The following MAOB variants were observed in gnomAD, a reference collection of about 807,000 sequenced individuals.
MAOB encodes monoamine oxidase B, also known as amine oxidase [flavin-containing] B.
Under a neutral mutation model 41.9 loss-of-function variants are expected in MAOB, and 15 were observed. The ratio of observed to expected loss-of-function variants is 0.36; its 90% confidence interval spans 0.24 to 0.55. The LOEUF (loss-of-function observed/expected upper bound fraction) is 0.55. Ranked by LOEUF, MAOB falls within the 20% of genes least tolerant of loss-of-function variation. The pLI is 0.86. For missense variants in MAOB, 345 were observed against 398.7 expected (o/e 0.87, Z 1.15); for synonymous variants, 167 against 144.2 (o/e 1.16, Z -1.13).
At chrX:43,816,065 A>T (rs1395726548) in intron 3 of MAOB, among the ~76,000 whole-genome samples, 1 of 112,175 alleles carries the variant, frequency 8.9e-6, no homozygotes, top group Non-Finnish European at 1.9e-5. Flanking sequence ...TCCTAATAGC[A>T]TGATTGAATT....
chrX:43,824,006 G>A (rs2034914459), intron 3 of MAOB, among the ~76,000 whole-genome samples: 1 of 112,450 alleles, frequency 8.9e-6, no homozygotes, highest in Non-Finnish European at 1.9e-5. Flanking sequence ...GTGGGTTTCA[G>A]CAATGACCGT....
At chrX:43,873,897 G>A (rs1332044531) in intron 1 of MAOB, among the ~76,000 whole-genome samples, 2 of 111,140 alleles carry the variant, frequency 1.8e-5, no homozygotes, top group African/African-American at 3.3e-5. Context: ...GGATGGGCTC[G>A]GTCTCCTGAC....
At chrX:43,822,175 T>C (rs1231798700) in intron 3 of MAOB, among the ~76,000 whole-genome samples, 1 of 112,508 alleles carries the variant, frequency 8.9e-6, no homozygotes, top group Non-Finnish European at 1.9e-5. Context: ...TTTCACTCCA[T>C]AAATTGTTTG....
At chrX:43,880,414 C>T (rs2035465997) in intron 1 of MAOB, among the ~76,000 whole-genome samples, 1 of 112,384 alleles carries the variant, frequency 8.9e-6, no homozygotes, top group Non-Finnish European at 1.9e-5. Context: ...TCTTGAGGGG[C>T]TTGTGCCATA....
intron 12 of MAOB, among the ~76,000 whole-genome samples, chrX:43,773,376 T>C (rs745463837): frequency 4.5e-5 from 5 of 112,179 alleles, no homozygotes; most frequent in East Asian, 5.6e-4. Flanking sequence ...GTCAGTACTT[T>C]AGAGTCAATT....
chrX:43,832,410 C>G (rs1025041547), intron 3 of MAOB, among the ~76,000 whole-genome samples: 1 of 111,564 alleles, frequency 9.0e-6, no homozygotes, highest in Non-Finnish European at 1.9e-5. Flanking sequence ...CAGGTTTGAA[C>G]TGCATAGGTT....
In MAOB at chrX:43,795,862, A is replaced by G. The variant is rs751207839; in HGVS notation, c.645T>C (p.Gly215=). 2 of 1,207,406 alleles carry G rather than the reference A, an allele frequency of 1.7e-6. No individual in the cohort carries two copies. Among genetic ancestry groups the G allele is most frequent in the African/African-American group, 3.5e-5 (2 of 56,907 alleles). Residue 215 remains glycine, a synonymous_variant, in exon 7 of 15, where the codon GGT becomes GGC. Transcript: ENST00000378069. ...GQERKFVGGS[G]QVSERIMDLL... ...GGTCCATTATCCGCTCACTCACTTG[A>G]CCAGATCCGCCCACAAATTTCCTCT...
intron 1 of MAOB, among the ~76,000 whole-genome samples, chrX:43,881,804 C>T (rs916378248): frequency 1.8e-5 from 2 of 112,482 alleles, no homozygotes; most frequent in East Asian, 2.8e-4. Flanking sequence ...ATTGGCCAGG[C>T]TCCAACCTCT....
At chrX:43,810,265 A>G (rs1023292581) in intron 3 of MAOB, among the ~76,000 whole-genome samples, 1 of 97,854 alleles carries the variant, frequency 1.0e-5, no homozygotes, top group South Asian at 4.1e-4. Context: ...AAAAAAAAAA[A>G]AAAGAAAGCT....
At chrX:43,873,562 T>C (rs1481053185) in intron 1 of MAOB, among the ~76,000 whole-genome samples, 8 of 111,741 alleles carry the variant, frequency 7.2e-5, no homozygotes, top group South Asian at 3.8e-4. Flanking sequence ...TGCCATTAAA[T>C]GGAGACTATG....
chrX:43,853,776 G>A (rs893131525), intron 1 of MAOB, among the ~76,000 whole-genome samples: 2 of 111,384 alleles, frequency 1.8e-5, no homozygotes, highest in African/African-American at 6.5e-5. Context: ...AAGATCGCCA[G>A]CAAACCACCA....
At chrX:43,881,560 G>A (rs1449385414) in intron 1 of MAOB, among the ~76,000 whole-genome samples, 2 of 112,082 alleles carry the variant, frequency 1.8e-5, no homozygotes, top group African/African-American at 6.5e-5. Context: ...ACACAGCCCC[G>A]TGTGGCTGAG....
chrX:43,837,641 ATAT>A (rs1379798400), intron 3 of MAOB, among the ~76,000 whole-genome samples: 1 of 112,794 alleles, frequency 8.9e-6, no homozygotes, highest in Non-Finnish European at 1.9e-5. Flanking sequence ...ATTTGTTTCG[ATAT>A]TATCACTCAC....
chrX:43,775,486 C>A (rs918273827), intron 11 of MAOB, among the ~76,000 whole-genome samples: 2 of 111,335 alleles, frequency 1.8e-5, no homozygotes, highest in African/African-American at 6.5e-5. Context: ...ATGTTTTTTT[C>A]ATTTGGTTTC....
At chrX:43,877,646 G>A (rs947712689) in intron 1 of MAOB, among the ~76,000 whole-genome samples, 4 of 111,835 alleles carry the variant, frequency 3.6e-5, no homozygotes, top group African/African-American at 1.3e-4. Context: ...GGAATCAAAT[G>A]GCTGAAATGA....
chrX:43,874,904 C>T (rs1257708219), intron 1 of MAOB, among the ~76,000 whole-genome samples: 1 of 111,781 alleles, frequency 8.9e-6, no homozygotes, highest in Non-Finnish European at 1.9e-5. Flanking sequence ...TTTAATTGTT[C>T]CTTATTGCAT....
At chrX:43,867,093 T>A (rs2035369893) in intron 1 of MAOB, among the ~76,000 whole-genome samples, 1 of 112,510 alleles carries the variant, frequency 8.9e-6, no homozygotes, top group Non-Finnish European at 1.9e-5. Flanking sequence ...AAAACTTGCA[T>A]CAGACAGAGG....
chrX:43,769,576 T>C (rs1173918598), intron 12 of MAOB, among the ~76,000 whole-genome samples, 158 bp from the exon 13 acceptor site: 2 of 111,977 alleles, frequency 1.8e-5, no homozygotes, highest in Non-Finnish European at 3.8e-5. Flanking sequence ...CTCCAGCTCT[T>C]ACATGATCCT....
intron 1 of MAOB, among the ~76,000 whole-genome samples, chrX:43,856,156 TC>T (rs1255561183): frequency 8.9e-6 from 1 of 111,838 alleles, no homozygotes; most frequent in African/African-American, 3.3e-5. Context: ...CCATCTCAGC[TC>T]ACTGCAATCT....
Sources: allele counts gnomAD v4.1 joint callset (sites outside exome capture counted in the v4.1 genomes callset), GRCh38; gene constraint gnomAD v4.1.1; transcripts MANE v1.5; gene names NCBI Gene and HGNC (gene_info 2026-07-23, HGNC 2026-07-21).